ROBO2: variants seen among roughly 807,000 people sequenced by gnomAD.
The protein encoded by ROBO2 is roundabout homolog 2.
ROBO2 carries 53 observed loss-of-function variants against 160.8 expected under a neutral mutation model. The ratio of observed to expected loss-of-function variants is 0.33; its 90% CI spans 0.26 to 0.41. The LOEUF is 0.41. Among genes scored for constraint, ROBO2 ranks in the 10% least tolerant of loss-of-function variants. The pLI is 1.00. For missense variants in ROBO2, 1,577 were observed against 1,722.4 expected (o/e 0.92, Z 1.49); for synonymous variants, 664 against 611.7 (o/e 1.09, Z -1.26).
intron 2 of ROBO2, among the ~76,000 whole-genome samples, chr3:77,416,716 C>CA (rs61204363): frequency 0.013 from 1,173 of 89,784 alleles, 15 homozygotes; most frequent in African/African-American, 0.035. Flanking sequence ...GATTCCATCT[C>CA]AAAAAAAAAA....
intron 2 of ROBO2, among the ~76,000 whole-genome samples, chr3:76,425,321 T>C (rs2108964458): frequency 6.6e-6 from 1 of 152,260 alleles, no homozygotes; most frequent in Non-Finnish European, 1.5e-5. Context: ...AAGTTATTCA[T>C]CGTGTATCTG....
At chr3:76,866,364 A>T (rs538165992) in intron 2 of ROBO2, among the ~76,000 whole-genome samples, 2 of 152,290 alleles carry the variant, frequency 1.3e-5, no homozygotes, top group South Asian at 2.1e-4. Flanking sequence ...TCAATCACAT[A>T]AAGTGTTTAC....
intron 1 of ROBO2, among the ~76,000 whole-genome samples, chr3:77,063,370 G>A (rs1481505274): frequency 1.3e-5 from 2 of 152,168 alleles, no homozygotes; most frequent in African/African-American, 2.4e-5. Context: ...AGGTTGCAGA[G>A]GAACTGGAAA....
chr3:77,522,736 C>A, intron 5 of ROBO2, 39 bp from the exon 6 acceptor site: 1 of 1,589,222 alleles, frequency 6.3e-7, no homozygotes, highest in Non-Finnish European at 8.6e-7. Context: ...ATCCGTATAG[C>A]TACTACTATT....
intron 20 of ROBO2, chr3:77,604,058 T>C (rs2094480092): frequency 6.6e-6 from 1 of 152,212 alleles, no homozygotes; most frequent in Non-Finnish European, 1.5e-5. Flanking sequence ...TTTTCTAAAT[T>C]ACTTTTCCTC....
At chr3:76,233,873 ATTGTG>A (rs1704775362) in intron 2 of ROBO2, among the ~76,000 whole-genome samples, 1 of 151,952 alleles carries the variant, frequency 6.6e-6, no homozygotes. Flanking sequence ...ATACAGGTGT[ATTGTG>A]TTGTGTTGTA....
chr3:76,946,598 C>A (rs931751389), intron 2 of ROBO2, among the ~76,000 whole-genome samples: 1 of 151,958 alleles, frequency 6.6e-6, no homozygotes, highest in Non-Finnish European at 1.5e-5. Flanking sequence ...CCACGGCATC[C>A]GGCTAATTTT....
At position 76,961,149 on chromosome 3, in the gene ROBO2, A is replaced by C. The variant is rs370652476; in HGVS notation, c.110-136865A>C. On this transcript the variant is annotated intron_variant, in intron 2 of 26. Coordinates refer to the ROBO2 transcript ENST00000487694. ...TTTTTTAACCCTGGCAAATCATCAG[A>C]ATCTGCCATAAGGTTTGTTGAAAGA... 7.9e-4 allele frequency among the ~76,000 whole-genome samples: 120 copies of C among 151,744 alleles called. No homozygotes were observed. In the Middle Eastern group the frequency reaches 0.017, roughly 22 times the overall value.
chr3:77,195,339 A>C (rs1266965571), intron 2 of ROBO2, among the ~76,000 whole-genome samples: 1 of 152,188 alleles, frequency 6.6e-6, no homozygotes. Context: ...ATGAAATATT[A>C]AGCAGTTATA....
chr3:76,537,840 C>T (rs2082595900), intron 2 of ROBO2, among the ~76,000 whole-genome samples: 1 of 152,016 alleles, frequency 6.6e-6, no homozygotes. Flanking sequence ...TAGAAAGTTA[C>T]AGTCAAAGGT....
At chr3:77,551,592 C>T (rs1396239996) in intron 8 of ROBO2, among the ~76,000 whole-genome samples, 1 of 151,986 alleles carries the variant, frequency 6.6e-6, no homozygotes, top group East Asian at 1.9e-4. Context: ...GGTTTTTTCC[C>T]AGCAGTTTAT....
chr3:76,844,229 G>T (rs1329277730), intron 2 of ROBO2, among the ~76,000 whole-genome samples: 1 of 151,920 alleles, frequency 6.6e-6, no homozygotes. Context: ...GATGCAACTG[G>T]TACAAATAAT....
At chr3:77,589,239 CAT>C (rs1460859444) in intron 17 of ROBO2, among the ~76,000 whole-genome samples, 7 of 140,746 alleles carry the variant, frequency 5.0e-5, no homozygotes, top group Non-Finnish European at 1.1e-4. Context: ...CACACACACA[CAT>C]GCACACGCAG....
At chr3:76,653,737 G>A (rs971145081) in intron 2 of ROBO2, among the ~76,000 whole-genome samples, 1 of 151,982 alleles carries the variant, frequency 6.6e-6, no homozygotes, top group African/African-American at 2.4e-5. Flanking sequence ...TGCAAATCTT[G>A]CAATTAAAGC....
intron 2 of ROBO2, among the ~76,000 whole-genome samples, chr3:77,247,592 G>T (rs1050883920): frequency 1.3e-5 from 2 of 152,112 alleles, no homozygotes; most frequent in African/African-American, 2.4e-5. Context: ...AAGAGTAATT[G>T]TATCAGTTAG....
intron 2 of ROBO2, among the ~76,000 whole-genome samples, chr3:77,130,140 G>T (rs2075717288): frequency 6.6e-6 from 1 of 152,124 alleles, no homozygotes; most frequent in South Asian, 2.1e-4. Flanking sequence ...TTTTCATGTA[G>T]TTGTAAGAGG....
chr3:77,066,529 G>A (rs1325309690), intron 1 of ROBO2, among the ~76,000 whole-genome samples: 5 of 151,976 alleles, frequency 3.3e-5, no homozygotes, highest in Non-Finnish European at 5.9e-5. Context: ...CAATCTCTAT[G>A]TGAAAAAAGT....
Position 77,512,154 on chromosome 3 carries a change from A to C in ROBO2, c.807-10621A>C, listed in dbSNP as rs1280791946. Among the ~76,000 whole-genome samples, 3 of 151,994 alleles carry C rather than the reference A, an allele frequency of 2.0e-5. No homozygotes were observed. The East Asian group carries it at 5.8e-4, about 30-fold the overall frequency. ...GTTCGTTTTGGGGTCTTAGACCTCA[A>C]AGGTGATTTAAGTAAGAGCTTGCCT... On this transcript the variant is annotated intron_variant, in intron 5 of 25. Transcript: ENST00000461745.
intron 2 of ROBO2, among the ~76,000 whole-genome samples, chr3:76,130,230 A>G (rs1275057911): frequency 6.6e-6 from 1 of 152,062 alleles, no homozygotes; most frequent in African/African-American, 2.4e-5. Flanking sequence ...CATGCTAGAA[A>G]CTTTTACCCA....
Sources: allele counts gnomAD v4.1 joint callset (sites outside exome capture counted in the v4.1 genomes callset), GRCh38; gene constraint gnomAD v4.1.1; transcripts MANE v1.5; gene names NCBI Gene and HGNC (gene_info 2026-07-23, HGNC 2026-07-21).